The following AGBL1 variants were observed in gnomAD, a reference collection of about 807,000 sequenced individuals.
The protein encoded by AGBL1 is AGBL carboxypeptidase 1.
A neutral mutation model predicts 118.9 loss-of-function variants in AGBL1; 130 were observed. The ratio of observed to expected loss-of-function variants is 1.09; its 90% CI spans 0.95 to 1.26. AGBL1 has a LOEUF of 1.26. Ranked by LOEUF, AGBL1 falls within the 50% of genes most tolerant of loss-of-function variation. AGBL1 has a pLI of 0.00. For synonymous variants in AGBL1, 555 were observed against 478.9 expected (o/e 1.16, Z -2.08); for missense variants, 1,584 against 1,298.1 (o/e 1.22, Z -3.38).
chr15:86,890,910 T>C (rs1305867448), intron 22 of AGBL1, among the ~76,000 whole-genome samples: 1 of 152,186 alleles, frequency 6.6e-6, no homozygotes, highest in African/African-American at 2.4e-5. Flanking sequence ...AAATAGTTTT[T>C]CCTAATTCTG....
intron 22 of AGBL1, among the ~76,000 whole-genome samples, chr15:86,897,155 C>A (rs954443071): frequency 6.6e-6 from 1 of 152,144 alleles, no homozygotes; most frequent in Non-Finnish European, 1.5e-5. Context: ...CTTTAGAAGA[C>A]TTATTTTTCT....
At chr15:86,314,044 A>C (rs1323674997) in intron 17 of AGBL1, among the ~76,000 whole-genome samples, 1 of 152,160 alleles carries the variant, frequency 6.6e-6, no homozygotes, top group Non-Finnish European at 1.5e-5. Flanking sequence ...CTGCCACAGG[A>C]TTCTGCTTAT....
At chr15:86,179,932 T>G (rs904643346) in intron 5 of AGBL1, among the ~76,000 whole-genome samples, 10 of 152,122 alleles carry the variant, frequency 6.6e-5, no homozygotes, top group African/African-American at 2.2e-4. Flanking sequence ...CTGAAAATTT[T>G]TAATAATATA....
chr15:86,682,518 G>A (rs951554116), intron 22 of AGBL1, among the ~76,000 whole-genome samples: 1 of 151,970 alleles, frequency 6.6e-6, no homozygotes, highest in Admixed American at 6.6e-5. Flanking sequence ...CTTTTCTCTG[G>A]AGAGCAATTT....
chr15:86,704,665 C>A lies in AGBL1; in HGVS notation c.3158+30229C>A, dbSNP rs539938152. Among the ~76,000 whole-genome samples the A allele has an allele frequency of 3.9e-5, 6 of 152,260 alleles. No homozygotes were observed. In the East Asian group the frequency reaches 1.2e-3, roughly 29 times the overall value. On this transcript the variant is annotated intron_variant, in intron 22 of 22. Coordinates refer to ENST00000614907, the MANE Select transcript of AGBL1 (RefSeq NM_001386094.1). ...CTGGTAGGCTGTGGAGAAACAGGAA[C>A]GCTTTTACATTGTTGATGGGAGTGT...
chr15:86,878,123 G>A (rs1328810484), intron 22 of AGBL1, among the ~76,000 whole-genome samples: 1 of 152,194 alleles, frequency 6.6e-6, no homozygotes, highest in Admixed American at 6.5e-5. Context: ...AGCAGATCCT[G>A]TGTTTGCTTT....
chr15:86,718,457 G>A (rs2086669978), intron 22 of AGBL1, among the ~76,000 whole-genome samples: 1 of 152,108 alleles, frequency 6.6e-6, no homozygotes, highest in South Asian at 2.1e-4. Flanking sequence ...AATGGGTGCA[G>A]TACACCAACA....
At chr15:86,581,323 A>G (rs1596286950) in intron 21 of AGBL1, among the ~76,000 whole-genome samples, 1 of 152,124 alleles carries the variant, frequency 6.6e-6, no homozygotes, top group African/African-American at 2.4e-5. Flanking sequence ...AAGATTTGTC[A>G]TCTCTTGATT....
intron 21 of AGBL1, among the ~76,000 whole-genome samples, chr15:86,658,532 ACTAT>A (rs1596344102): frequency 1.3e-5 from 2 of 152,106 alleles, no homozygotes; most frequent in African/African-American, 4.8e-5. Flanking sequence ...TTAATTTTTA[ACTAT>A]CTAGCAAAAT....
chr15:86,400,208 G>A (rs967901889), intron 18 of AGBL1, among the ~76,000 whole-genome samples: 1 of 152,104 alleles, frequency 6.6e-6, no homozygotes, highest in Non-Finnish European at 1.5e-5. Context: ...GTGTTTTACT[G>A]TGTTTTGATC....
At chr15:86,825,979 T>G (rs2079008542) in intron 22 of AGBL1, among the ~76,000 whole-genome samples, 1 of 151,314 alleles carries the variant, frequency 6.6e-6, no homozygotes, top group African/African-American at 2.4e-5. Flanking sequence ...TTGTAAGAAA[T>G]AATACAGAGA....
chr15:86,994,816 G>A (rs1360549578), intron 24 of AGBL1, among the ~76,000 whole-genome samples: 1 of 152,162 alleles, frequency 6.6e-6, no homozygotes, highest in Non-Finnish European at 1.5e-5. Context: ...AGAACATAAA[G>A]TATATGTAAG....
intron 21 of AGBL1, among the ~76,000 whole-genome samples, chr15:86,563,336 A>G (rs2083858341): frequency 1.3e-5 from 2 of 152,086 alleles, no homozygotes; most frequent in Non-Finnish European, 2.9e-5. Flanking sequence ...AGATTCTGGT[A>G]TGTTGTGTGT....
chr15:86,472,926 C>CA lies in AGBL1; in HGVS notation c.2556-49878dup, dbSNP rs535311294. Among the ~76,000 whole-genome samples the CA allele has an allele frequency of 1.9e-3, 282 of 152,124 alleles. 8 individuals carry two copies. The South Asian group carries it at 0.053, about 29-fold the overall frequency. On this transcript the variant is annotated intron_variant, in intron 18 of 22. Transcript: ENST00000614907. The stretch of plus-strand genomic sequence containing the variant: ...AGAGCAAGATTTCCATCTCAAAAAA[C>CA]AAAAAACAGAACAATAAAATAACCC...
intron 21 of AGBL1, among the ~76,000 whole-genome samples, chr15:86,670,650 G>GTGTGTATA (rs369000727): frequency 0.23 from 31,690 of 140,774 alleles, 4,326 homozygotes; most frequent in East Asian, 0.37. Context: ...GTGTGTGTGT[G>GTGTGTATA]TATATATATA....
intron 16 of AGBL1, among the ~76,000 whole-genome samples, 185 bp from the exon 17 acceptor site, chr15:86,295,070 A>G (rs888404627): frequency 6.6e-6 from 1 of 152,234 alleles, no homozygotes; most frequent in Non-Finnish European, 1.5e-5. Context: ...CTTCCTGCTC[A>G]GTCTCACTGA....
At chr15:86,338,521 A>C (rs897864280) in intron 17 of AGBL1, among the ~76,000 whole-genome samples, 1 of 58,278 alleles carries the variant, frequency 1.7e-5, no homozygotes, top group Non-Finnish European at 3.9e-5. Context: ...GGCACTGTGA[A>C]GGGATAAAGT....
chr15:86,684,158 C>T (rs978145393), intron 22 of AGBL1, among the ~76,000 whole-genome samples: 8 of 152,108 alleles, frequency 5.3e-5, no homozygotes, highest in Admixed American at 5.2e-4. Flanking sequence ...TTTGAACTAA[C>T]AGATCGTTAT....
At chr15:86,486,281 C>G (rs2082712008) in intron 18 of AGBL1, among the ~76,000 whole-genome samples, 2 of 151,994 alleles carry the variant, frequency 1.3e-5, no homozygotes. Context: ...ATCCTTTTGC[C>G]CAGTTTACCT....
Sources: gnomAD v4.1 joint callset for allele counts (sites outside exome capture counted in the v4.1 genomes callset) on GRCh38, gnomAD v4.1.1 for gene constraint, MANE v1.5 for transcripts, NCBI Gene and HGNC (gene_info 2026-07-23, HGNC 2026-07-21) for gene names.